Variants in BBX observed in about 807,000 individuals in gnomAD.
BBX encodes the protein BBX high mobility group box domain containing.
BBX carries 30 observed loss-of-function variants against 100.2 expected under a neutral mutation model. The observed-to-expected ratio is 0.30, with a 90% confidence interval of 0.22 to 0.41. The LOEUF is 0.41. Among genes scored for constraint, BBX ranks in the 10% least tolerant of loss-of-function variants. BBX has a pLI of 1.00. For missense variants in BBX, 1,023 were observed against 1,129.8 expected (o/e 0.91, Z 1.35); for synonymous variants, 376 against 388.1 (o/e 0.97, Z 0.37).
At position 107,523,206 on chromosome 3, in the gene BBX, C is replaced by A. The variant is rs960744207; in HGVS notation, c.-156+99C>A. ...CGCCGGGCTGCAGCCCCAAGGACTCCGCGGCAGGAGCAGCGGCGGCGGCGG... is the reference window on the plus strand; with the variant it reads ...CGCCGGGCTGCAGCCCCAAGGACTCAGCGGCAGGAGCAGCGGCGGCGGCGG... On this transcript the variant is annotated intron_variant, in intron 1 of 17. Transcript: ENST00000325805. 5.6e-5 allele frequency: 12 copies of A among 213,376 alleles called. No homozygotes were observed. The East Asian group carries it at 1.4e-3, about 25-fold the overall frequency. 13.2% of individuals were successfully genotyped at this position (213,376 alleles called of 1,614,324 possible). A position where few individuals can be genotyped will look rare whatever the true frequency, so the allele number is the denominator to read the frequency against.
At chr3:107,626,585 C>T (rs1321005276) in intron 2 of BBX, among the ~76,000 whole-genome samples, 1 of 151,912 alleles carries the variant, frequency 6.6e-6, no homozygotes, top group Admixed American at 6.6e-5. Context: ...CACTCACATG[C>T]CTGGCAAGGT....
At chr3:107,634,958 T>A (rs1362466694) in intron 2 of BBX, among the ~76,000 whole-genome samples, 2 of 152,218 alleles carry the variant, frequency 1.3e-5, no homozygotes, top group African/African-American at 4.8e-5. Flanking sequence ...TTTTTGATTA[T>A]GTGATGTTCA....
intron 2 of BBX, among the ~76,000 whole-genome samples, chr3:107,605,387 G>T (rs202114109): frequency 1.9e-3 from 164 of 86,222 alleles, no homozygotes; most frequent in East Asian, 0.012. Flanking sequence ...TTTTTTTTTT[G>T]GGGGGGGGAT....
chr3:107,761,046 T>A (rs1385741955), intron 10 of BBX, among the ~76,000 whole-genome samples: 1 of 152,168 alleles, frequency 6.6e-6, no homozygotes, highest in African/African-American at 2.4e-5. Flanking sequence ...GAGCCCTCAG[T>A]CTGAGGCCAA....
At chr3:107,555,973 A>G (rs1053574193) in intron 2 of BBX, among the ~76,000 whole-genome samples, 1 of 152,210 alleles carries the variant, frequency 6.6e-6, no homozygotes, top group African/African-American at 2.4e-5. Context: ...TGTGATAGAA[A>G]CATAATGGGG....
chr3:107,608,008 G>GT (rs1028705416), intron 2 of BBX, among the ~76,000 whole-genome samples: 1 of 152,122 alleles, frequency 6.6e-6, no homozygotes, highest in African/African-American at 2.4e-5. Context: ...CATTCTGTGG[G>GT]TTGTCTCTTC....
intron 2 of BBX, among the ~76,000 whole-genome samples, chr3:107,581,933 T>G (rs977388272): frequency 3.9e-5 from 6 of 152,176 alleles, no homozygotes; most frequent in African/African-American, 1.4e-4. Context: ...ACAGTATTAT[T>G]ACATCTGTAG....
At chr3:107,748,106 G>A (rs1056262188) in intron 9 of BBX, 67 bp downstream of exon 9, 2 of 1,351,460 alleles carry the variant, frequency 1.5e-6, no homozygotes, top group African/African-American at 1.5e-5. Context: ...CTGGAATGGA[G>A]TTTTAATAAT....
intron 2 of BBX, among the ~76,000 whole-genome samples, chr3:107,570,643 T>C (rs567475521): frequency 6.6e-6 from 1 of 151,664 alleles, no homozygotes; most frequent in African/African-American, 2.4e-5. Flanking sequence ...AGATAGGGTG[T>C]GAGGAGGGGA....
chr3:107,667,445 T>C (rs547807253), intron 3 of BBX, among the ~76,000 whole-genome samples: 2 of 152,144 alleles, frequency 1.3e-5, no homozygotes, highest in African/African-American at 4.8e-5. Flanking sequence ...CCATATATTC[T>C]CTAATGATTT....
intron 2 of BBX, among the ~76,000 whole-genome samples, chr3:107,532,167 C>T (rs906427148): frequency 1.6e-4 from 25 of 151,808 alleles, no homozygotes; most frequent in African/African-American, 5.1e-4. Flanking sequence ...GCACTCCAGC[C>T]TGGGTGAAAG....
intron 2 of BBX, among the ~76,000 whole-genome samples, chr3:107,637,798 C>T (rs1443095173): frequency 6.6e-6 from 1 of 152,200 alleles, no homozygotes; most frequent in Non-Finnish European, 1.5e-5. Context: ...TACTTGGCGT[C>T]AGCTATGGAA....
chr3:107,678,347 C>T (rs1307711099), intron 3 of BBX, among the ~76,000 whole-genome samples: 1 of 152,054 alleles, frequency 6.6e-6, no homozygotes, highest in Admixed American at 6.6e-5. Flanking sequence ...CAACCTAGCA[C>T]AACATCTGGT....
intron 3 of BBX, among the ~76,000 whole-genome samples, chr3:107,699,946 G>T (rs938365863): frequency 3.3e-5 from 5 of 152,008 alleles, no homozygotes; most frequent in African/African-American, 1.2e-4. Flanking sequence ...TTAGAAGCAA[G>T]AATATTAGGA....
Position 107,677,599 on chromosome 3 carries a change from CAGAA to C in BBX, c.-10+31693_-10+31696del, listed in dbSNP as rs2059349840. The C allele has an allele frequency of 2.0e-5, 3 of 152,242 alleles. No individual in the cohort carries two copies. In the South Asian group the frequency reaches 6.2e-4, roughly 32 times the overall value. The allele number at this position is 152,242 out of a possible 1,614,324, so 9.4% of individuals were successfully genotyped here. A position where few individuals can be genotyped will look rare whatever the true frequency, so the allele number is the denominator to read the frequency against. On this transcript the variant is annotated intron_variant, in intron 3 of 17. Transcript: ENST00000325805. ...CCTACAAGTGGGCAAAATCATCTAA[CAGAA>C]AGCCTATTTTATGATAGTGTTGCAT...
chr3:107,688,997 G>C (rs2060000753), intron 3 of BBX, among the ~76,000 whole-genome samples: 1 of 152,122 alleles, frequency 6.6e-6, no homozygotes, highest in East Asian at 1.9e-4. Context: ...GATATTTGCT[G>C]TTAGATTGTG....
chr3:107,778,999 A>ATATATATATATATATATATGTATATG (rs1481286002), intron 13 of BBX, among the ~76,000 whole-genome samples: 3 of 68,480 alleles, frequency 4.4e-5, no homozygotes, highest in African/African-American at 1.3e-4. Context: ...AGCAACATAT[A>ATATATATATATATATATATGTATATG]TATATATATA....
At chr3:107,631,255 A>C (rs2056529001) in intron 2 of BBX, among the ~76,000 whole-genome samples, 1 of 152,210 alleles carries the variant, frequency 6.6e-6, no homozygotes, top group Admixed American at 6.5e-5. Flanking sequence ...CATCCTAGGC[A>C]CATCTGACTA....
chr3:107,661,780 CTG>C (rs2058458180), intron 3 of BBX: 1 of 656,460 alleles, frequency 1.5e-6, no homozygotes, highest in Non-Finnish European at 1.9e-6. Flanking sequence ...TTTCCTCTCT[CTG>C]TGTTTCTCCT....
Sources: allele counts gnomAD v4.1 joint callset (sites outside exome capture counted in the v4.1 genomes callset), GRCh38; gene constraint gnomAD v4.1.1; transcripts MANE v1.5; gene names NCBI Gene and HGNC (gene_info 2026-07-23, HGNC 2026-07-21).